Variants in ZNF277 observed in about 807,000 individuals in gnomAD.
ZNF277 encodes the protein nuclear receptor-interacting factor 4.
Under a neutral mutation model 60.7 loss-of-function variants are expected in ZNF277, and 55 were observed. That is an observed-to-expected ratio of 0.91 (90% CI 0.73 to 1.13). The LOEUF (loss-of-function observed/expected upper bound fraction) is 1.13, where lower values mean the gene tolerates loss of function less well. Ranked by LOEUF, ZNF277 falls within the 50% of genes most tolerant of loss-of-function variation. ZNF277 has a pLI of 0.00. For missense variants in ZNF277, 510 were observed against 523.0 expected (o/e 0.98, Z 0.24); for synonymous variants, 178 against 179.3 (o/e 0.99, Z 0.06).
chr7:112,311,167 T>G (rs2117100917), intron 4 of ZNF277, among the ~76,000 whole-genome samples: 1 of 152,292 alleles, frequency 6.6e-6, no homozygotes, highest in East Asian at 1.9e-4. Context: ...GTCAATCCCC[T>G]ATGACTATGT....
intron 1 of ZNF277, among the ~76,000 whole-genome samples, chr7:112,215,606 T>C (rs999139231): frequency 1.3e-5 from 2 of 152,266 alleles, no homozygotes; most frequent in African/African-American, 2.4e-5. Context: ...GATTCTGTGA[T>C]ATGCATGCCT....
intron 1 of ZNF277, among the ~76,000 whole-genome samples, chr7:112,229,753 C>A (rs1034985598): frequency 1.3e-5 from 2 of 152,224 alleles, no homozygotes; most frequent in Non-Finnish European, 2.9e-5. Flanking sequence ...GAAAGTAACA[C>A]AGAAGTGCCG....
chr7:112,264,590 G>A (rs1408207855), intron 1 of ZNF277, among the ~76,000 whole-genome samples: 2 of 151,924 alleles, frequency 1.3e-5, no homozygotes, highest in Admixed American at 6.6e-5. Context: ...GTTATTTGTA[G>A]CTATTAAATG....
intron 1 of ZNF277, among the ~76,000 whole-genome samples, chr7:112,252,080 C>G (rs1006340052): frequency 6.6e-6 from 1 of 152,182 alleles, no homozygotes; most frequent in Admixed American, 6.5e-5. Flanking sequence ...TGCCTTTTGG[C>G]CTAACTTTTT....
In ZNF277 at chr7:112,330,193, A is replaced by C. The variant is rs1407013035; in HGVS notation, c.778A>C (p.Arg260=). 4 of 1,612,746 alleles carry C rather than the reference A, an allele frequency of 2.5e-6. No homozygotes were observed. Among genetic ancestry groups the C allele is most frequent in the Non-Finnish European group, 3.4e-6 (4 of 1,179,736 alleles). ...KINPKNREYD[R]FYVINYLELG... ...TAATCCTAAGAACAGAGAATATGACAGATTTTATGTCATCAATTATTTGGT... is the reference window on the plus strand; with the variant it reads ...TAATCCTAAGAACAGAGAATATGACCGATTTTATGTCATCAATTATTTGGT... Residue 260 remains arginine (R), a synonymous_variant, in exon 7 of 12, where the codon AGA becomes CGA. Transcript: ENST00000361822.
At chr7:112,311,314 CTTA>C (rs1171920438) in intron 4 of ZNF277, among the ~76,000 whole-genome samples, 5 of 152,048 alleles carry the variant, frequency 3.3e-5, no homozygotes, top group Non-Finnish European at 4.4e-5. Flanking sequence ...ACATATATAG[CTTA>C]TTATTATGAC....
intron 4 of ZNF277, among the ~76,000 whole-genome samples, chr7:112,296,569 A>G (rs542505508): frequency 6.6e-6 from 1 of 152,188 alleles, no homozygotes; most frequent in East Asian, 1.9e-4. Context: ...TAACAACAGA[A>G]CTTACACATT....
chr7:112,276,837 C>T (rs1248242041), intron 1 of ZNF277, among the ~76,000 whole-genome samples: 2 of 152,126 alleles, frequency 1.3e-5, no homozygotes, highest in Admixed American at 6.5e-5. Flanking sequence ...CATATTATGC[C>T]TTGTATAACT....
At chr7:112,277,654 C>T (rs1001735375) in intron 1 of ZNF277, among the ~76,000 whole-genome samples, 6 of 152,186 alleles carry the variant, frequency 3.9e-5, no homozygotes, top group African/African-American at 1.2e-4. Flanking sequence ...GCTCAATCTC[C>T]GCATGTGCCT....
At chr7:112,274,248 C>T (rs1449255214) in intron 1 of ZNF277, among the ~76,000 whole-genome samples, 5 of 152,098 alleles carry the variant, frequency 3.3e-5, no homozygotes, top group Non-Finnish European at 5.9e-5. Flanking sequence ...GCCTCAACCT[C>T]CCGGGCCCAA....
At chr7:112,239,392 G>T (rs1790886975) in intron 1 of ZNF277, among the ~76,000 whole-genome samples, 2 of 152,154 alleles carry the variant, frequency 1.3e-5, no homozygotes, top group African/African-American at 4.8e-5. Context: ...CTCAGTGGTA[G>T]CCAGGCAATA....
In ZNF277 at chr7:112,318,194, G is replaced by A; in HGVS notation, c.478G>A (p.Glu160Lys). ...LQKQRLREILEQQQQERNDTN... is the reference protein window; with the variant it reads ...LQKQRLREILKQQQQERNDTN... ...TTCTACTTTCCAGAGAGAAATTCTG[G>A]AACAACAGCAGCAAGAACGAAATGA... is the stretch of plus-strand genomic sequence containing the variant. The change falls in exon 5 of 12, where the codon GAA (glutamate) becomes AAA (lysine). Residue 160 changes from glutamate (E) to lysine (K), a missense_variant. Transcript: ENST00000361822. 6.2e-7 allele frequency: 1 copy of A among 1,612,552 alleles called. No homozygotes were observed. The highest frequency in any genetic ancestry group is 1.1e-5 in the South Asian group (1 of 91,004).
intron 1 of ZNF277, among the ~76,000 whole-genome samples, chr7:112,249,447 T>C (rs913158675): frequency 2.6e-5 from 4 of 152,028 alleles, no homozygotes; most frequent in Non-Finnish European, 5.9e-5. Context: ...AAGAGAGAGG[T>C]CTGCTTAGTA....
At chr7:112,333,696 G>A (rs1279328144) in intron 7 of ZNF277, among the ~76,000 whole-genome samples, 1 of 152,176 alleles carries the variant, frequency 6.6e-6, no homozygotes, top group African/African-American at 2.4e-5. Context: ...TTCCTTCTTA[G>A]GTGAGATAAT....
At chr7:112,228,921 A>C (rs1822249785) in intron 1 of ZNF277, among the ~76,000 whole-genome samples, 1 of 152,228 alleles carries the variant, frequency 6.6e-6, no homozygotes, top group Admixed American at 6.5e-5. Context: ...ACTAAAATAA[A>C]TAATCTTACC....
At chr7:112,303,870 G>GA (rs1792534664) in intron 4 of ZNF277, among the ~76,000 whole-genome samples, 1 of 152,016 alleles carries the variant, frequency 6.6e-6, no homozygotes, top group African/African-American at 2.4e-5. Context: ...AAAAGTAGAA[G>GA]AAAAATACTA....
chr7:112,236,527 G>C (rs1790789178), intron 1 of ZNF277, among the ~76,000 whole-genome samples: 1 of 151,986 alleles, frequency 6.6e-6, no homozygotes, highest in Admixed American at 6.6e-5. Flanking sequence ...AGTTGAACAT[G>C]TAAGTGTAGG....
In ZNF277 at chr7:112,230,256, A is replaced by G. The variant is rs190316308; in HGVS notation, c.91+23449A>G. On this transcript the variant is annotated intron_variant, in intron 1 of 11. Coordinates refer to ENST00000361822, the MANE Select transcript of ZNF277 (RefSeq NM_021994.3). The stretch of plus-strand genomic sequence containing the variant: ...AGCCTGGCCAACATGGTGAAACCTC[A>G]TCTCTACTAGAAACAGCCTGTGGCC... 4.6e-5 allele frequency among the ~76,000 whole-genome samples: 7 copies of G among 152,282 alleles called. No homozygotes were observed. The East Asian group carries it at 1.3e-3, about 29-fold the overall frequency.
chr7:112,324,070 G>A (rs1793044454), intron 5 of ZNF277, among the ~76,000 whole-genome samples: 1 of 152,124 alleles, frequency 6.6e-6, no homozygotes, highest in Non-Finnish European at 1.5e-5. Context: ...CATTGTGAAT[G>A]TGAAAAAATA....
Sources: allele counts gnomAD v4.1 joint callset (sites outside exome capture counted in the v4.1 genomes callset), GRCh38; gene constraint gnomAD v4.1.1; transcripts MANE v1.5; gene names NCBI Gene and HGNC (gene_info 2026-07-23, HGNC 2026-07-21).